HS2ST1: variants seen among roughly 807,000 people sequenced by gnomAD.
HS2ST1 encodes the protein heparan sulfate 2-O-sulfotransferase 1.
HS2ST1 carries 18 observed loss-of-function variants against 42.9 expected under a neutral mutation model. The ratio of observed to expected loss-of-function variants is 0.42; its 90% CI spans 0.29 to 0.62. The LOEUF is 0.62. Ranked by LOEUF, HS2ST1 falls within the 20% of genes least tolerant of loss-of-function variation. The pLI, the probability that HS2ST1 is intolerant of heterozygous loss-of-function variation, is 0.21. For missense variants in HS2ST1, 334 were observed against 433.8 expected, an observed-to-expected ratio of 0.77 and a Z score of 2.04; for synonymous variants, 146 against 152.9, an observed-to-expected ratio of 0.95 and a Z score of 0.33.
chr1:86,915,814 A>T (rs1660141261), intron 1 of HS2ST1, among the ~76,000 whole-genome samples: 1 of 152,204 alleles, frequency 6.6e-6, no homozygotes, highest in South Asian at 2.1e-4. Context: ...GGAGATTTAA[A>T]TTCTTCTTTA....
At chr1:87,061,155 C>T (rs1210755297) in intron 1 of HS2ST1, among the ~76,000 whole-genome samples, 2 of 151,968 alleles carry the variant, frequency 1.3e-5, no homozygotes, top group Non-Finnish European at 2.9e-5. Flanking sequence ...GAATAAATGA[C>T]TAATTTATAA....
intron 2 of HS2ST1, 128 bp from the exon 3 acceptor site, chr1:87,084,066 C>T: frequency 1.8e-6 from 1 of 554,388 alleles, no homozygotes; most frequent in South Asian, 2.8e-5. Context: ...TTTCCTTAGT[C>T]CAAACCTGTG....
At chr1:86,950,585 A>T (rs1053628462) in intron 1 of HS2ST1, among the ~76,000 whole-genome samples, 1 of 152,220 alleles carries the variant, frequency 6.6e-6, no homozygotes, top group South Asian at 2.1e-4. Context: ...TTCTGATTAC[A>T]TAGGAAAATA....
intron 5 of HS2ST1, 99 bp downstream of exon 5, chr1:87,098,034 A>G: frequency 6.5e-7 from 1 of 1,539,792 alleles, no homozygotes; most frequent in Non-Finnish European, 8.8e-7. Flanking sequence ...AATCGGTGAA[A>G]GACTAGACTA....
intron 2 of HS2ST1, among the ~76,000 whole-genome samples, chr1:87,082,199 T>G (rs1651710305): frequency 6.6e-6 from 1 of 152,154 alleles, no homozygotes; most frequent in Non-Finnish European, 1.5e-5. Context: ...CTTCCTGGGC[T>G]TTTTTCACTT....
intron 1 of HS2ST1, among the ~76,000 whole-genome samples, chr1:86,988,526 T>G (rs1464957084): frequency 2.0e-5 from 3 of 152,238 alleles, no homozygotes; most frequent in Admixed American, 6.5e-5. Flanking sequence ...TCATTTTGAC[T>G]CCACAAAAAG....
At chr1:87,050,456 A>G (rs992381792) in intron 1 of HS2ST1, among the ~76,000 whole-genome samples, 9 of 152,020 alleles carry the variant, frequency 5.9e-5, no homozygotes, top group African/African-American at 2.2e-4. Context: ...GGACTACATT[A>G]GAAATAAAAT....
At chr1:86,935,876 A>G (rs143025449) in intron 1 of HS2ST1, among the ~76,000 whole-genome samples, 71 of 152,348 alleles carry the variant, frequency 4.7e-4, no homozygotes, top group Non-Finnish European at 8.1e-4. Flanking sequence ...TTGCGCAGAT[A>G]GTACAGAATT....
intron 5 of HS2ST1, among the ~76,000 whole-genome samples, chr1:87,102,723 A>G (rs1652242597): frequency 6.6e-6 from 1 of 152,156 alleles, no homozygotes; most frequent in African/African-American, 2.4e-5. Flanking sequence ...GGTTCTTAGA[A>G]ACCAATTAAT....
chr1:87,012,909 T>C (rs1254000989), intron 1 of HS2ST1, among the ~76,000 whole-genome samples: 1 of 152,164 alleles, frequency 6.6e-6, no homozygotes, highest in Non-Finnish European at 1.5e-5. Context: ...TCCAAAATGA[T>C]CTTTTTTGAC....
intron 1 of HS2ST1, among the ~76,000 whole-genome samples, chr1:86,956,271 A>T (rs1647674048): frequency 6.6e-6 from 1 of 152,216 alleles, no homozygotes; most frequent in Non-Finnish European, 1.5e-5. Context: ...TTAAAAAAAG[A>T]TTTCCTTTTG....
rs1162453464 is a variant in HS2ST1 at position 87,101,156 on chromosome 1, G to GTT, written c.687-2248_687-2247dup. Among the ~76,000 whole-genome samples, 42 of 91,134 alleles carry GTT rather than the reference G, an allele frequency of 4.6e-4. 3 individuals are homozygous for GTT. Among genetic ancestry groups the GTT allele is most frequent in the African/African-American group, 8.5e-4 (19 of 22,334 alleles). The allele number at this position is 91,134 out of a possible 152,430, so 59.8% of individuals were successfully genotyped here. A position where few individuals can be genotyped will look rare whatever the true frequency, so the allele number is the denominator to read the frequency against. ...TTTTGTGTGTGTGTGTGTGTTTTTT[G>GTT]TTTTTTTTTTTTTTTTTTTTTTTTT... On this transcript the variant is annotated intron_variant, in intron 5 of 6. Transcript: ENST00000370550.
intron 1 of HS2ST1, among the ~76,000 whole-genome samples, chr1:86,935,556 G>A (rs1339080974): frequency 2.7e-5 from 4 of 146,288 alleles, no homozygotes. Flanking sequence ...ACTGTCTCCA[G>A]GGTGTAAGTG....
chr1:87,093,527 C>T (rs1032371581), intron 4 of HS2ST1, among the ~76,000 whole-genome samples: 22 of 152,098 alleles, frequency 1.4e-4, no homozygotes, highest in African/African-American at 5.3e-4. Flanking sequence ...TCAGGGCTCC[C>T]AGAGCACTTC....
At chr1:86,994,697 A>T (rs560198825) in intron 1 of HS2ST1, among the ~76,000 whole-genome samples, 2 of 152,316 alleles carry the variant, frequency 1.3e-5, no homozygotes, top group African/African-American at 4.8e-5. Flanking sequence ...TTCTGGGACA[A>T]GTAAAAATGT....
chr1:87,043,602 C>A (rs1354831618), intron 1 of HS2ST1, among the ~76,000 whole-genome samples: 2 of 151,944 alleles, frequency 1.3e-5, no homozygotes, highest in African/African-American at 2.4e-5. Context: ...TTGTTACAGT[C>A]CTGTCTTATA....
At chr1:87,069,796 A>T (rs1024222500) in intron 1 of HS2ST1, among the ~76,000 whole-genome samples, 5 of 151,934 alleles carry the variant, frequency 3.3e-5, no homozygotes, top group Admixed American at 3.3e-4. Flanking sequence ...CTAAAATTGT[A>T]TGAAATACAC....
chr1:87,031,043 G>T (rs1326906665), intron 1 of HS2ST1, among the ~76,000 whole-genome samples: 1 of 152,068 alleles, frequency 6.6e-6, no homozygotes, highest in South Asian at 2.1e-4. Context: ...GAGGTTAAGC[G>T]ATCCTTTCAC....
rs148014024 is a variant in HS2ST1 at position 87,014,425 on chromosome 1, T to C, written c.125-58509T>C. On this transcript the variant is annotated intron_variant, in intron 1 of 6. Transcript: ENST00000370550. ...GACCTGCCCCCATGATTCAGTTACC[T>C]CCCACTGGTTCCCTCCCATGACACA... 1.3e-4 allele frequency among the ~76,000 whole-genome samples: 20 copies of C among 152,302 alleles called. No individual in the cohort carries two copies. In the East Asian group the frequency reaches 3.3e-3, roughly 25 times the overall value.
Sources: allele counts gnomAD v4.1 joint callset (sites outside exome capture counted in the v4.1 genomes callset), GRCh38; gene constraint gnomAD v4.1.1; transcripts MANE v1.5; gene names NCBI Gene and HGNC (gene_info 2026-07-23, HGNC 2026-07-21).